Variants in ACIN1 observed in about 807,000 individuals in gnomAD.
ACIN1 encodes apoptotic chromatin condensation inducer in the nucleus.
A neutral mutation model predicts 146.6 loss-of-function variants in ACIN1; 16 were observed. The ratio of observed to expected loss-of-function variants is 0.11; its 90% CI spans 0.07 to 0.17. The LOEUF (loss-of-function observed/expected upper bound fraction) is 0.17, where lower values mean the gene tolerates loss of function less well. Ranked by LOEUF, ACIN1 falls within the 10% of genes least tolerant of loss-of-function variation. The pLI, the probability that ACIN1 is intolerant of heterozygous loss-of-function variation, is 1.00. For missense variants in ACIN1, 1,357 were observed against 1,609.3 expected, an observed-to-expected ratio of 0.84 and a Z score of 2.68; for synonymous variants, 569 against 582.7, an observed-to-expected ratio of 0.98 and a Z score of 0.34.
intron 4 of ACIN1, among the ~76,000 whole-genome samples, chr14:23,085,691 G>C (rs547833403): frequency 3.9e-5 from 6 of 152,204 alleles, no homozygotes; most frequent in Non-Finnish European, 8.8e-5. Flanking sequence ...GGAATCTCTA[G>C]TTCCTTGGAA....
intron 4 of ACIN1, among the ~76,000 whole-genome samples, chr14:23,084,743 G>C (rs1415753136): frequency 6.6e-6 from 1 of 152,082 alleles, no homozygotes; most frequent in Non-Finnish European, 1.5e-5. Context: ...TTTCGTATCT[G>C]GGTAAGTGAA....
chr14:23,064,958 A>G (rs1468952254), intron 10 of ACIN1, among the ~76,000 whole-genome samples: 1 of 152,038 alleles, frequency 6.6e-6, no homozygotes, highest in Non-Finnish European at 1.5e-5. Flanking sequence ...TTCAGACTGA[A>G]CACTGATCTA....
Position 23,080,212 on chromosome 14 carries a change from G to A in ACIN1, c.1123C>T (p.His375Tyr). Residue 375 changes from histidine to tyrosine, a missense_variant, in exon 6 of 19, where the codon CAT becomes TAT. His to Tyr is a moderately conservative substitution (Grantham distance 83). Transcript: ENST00000605057. The part of the protein sequence containing the change: ...ASSPPPHPQL[H>Y]SEEEIEPMEG... ...ATGGGCTCTATTTCTTCTTCGCTAT[G>A]GAGCTGTGGATGAGGTGGTGGAGAA... The A allele has an allele frequency of 6.2e-7, 1 of 1,614,210 alleles. No individual in the cohort carries two copies. The highest frequency in any genetic ancestry group is 8.5e-7 in the Non-Finnish European group (1 of 1,180,038).
At chr14:23,081,635 A>T in intron 5 of ACIN1, 113 bp downstream of exon 5, 1 of 953,732 alleles carries the variant, frequency 1.0e-6, no homozygotes, top group Non-Finnish European at 1.6e-6. Flanking sequence ...GTCCCAAAAA[A>T]GAAAAACAAA....
Position 23,063,210 on chromosome 14 carries a change from A to G in ACIN1, c.2738-136T>C, listed in dbSNP as rs542271011. On this transcript the variant is annotated intron_variant, in intron 13 of 18. Coordinates refer to ENST00000605057, the MANE Select transcript of ACIN1 (RefSeq NM_001386863.1). ...AATCTAAACGTGCAGAGCACCTATA[A>G]TCTGCAAAGTACTGTGCTAGGCTAA... 91 of 1,150,852 alleles carry G rather than the reference A, an allele frequency of 7.9e-5. No homozygotes were observed. In the African/African-American group the frequency reaches 1.4e-3, roughly 17 times the overall value. The allele number at this position is 1,150,852 out of a possible 1,614,324, so 71.3% of individuals were successfully genotyped here.
At chr14:23,088,185 C>T (rs893068782) in intron 4 of ACIN1, among the ~76,000 whole-genome samples, 4 of 152,066 alleles carry the variant, frequency 2.6e-5, no homozygotes, top group African/African-American at 9.7e-5. Context: ...AGAAGAAATA[C>T]CGACAATTTT....
At chr14:23,059,508 G>T in intron 18 of ACIN1, 34 bp from the exon 19 acceptor site, 1 of 1,564,424 alleles carries the variant, frequency 6.4e-7, no homozygotes, top group Non-Finnish European at 8.8e-7. Flanking sequence ...AGAATAGGCA[G>T]CTCAGTCCTG....
intron 8 of ACIN1, among the ~76,000 whole-genome samples, chr14:23,071,867 G>T (rs2047667367): frequency 6.6e-6 from 1 of 152,202 alleles, no homozygotes; most frequent in Non-Finnish European, 1.5e-5. Context: ...AGAATAGAAG[G>T]CAGGCAAACA....
chr14:23,069,942 A>ACCCT (rs1024615709), intron 8 of ACIN1, among the ~76,000 whole-genome samples: 2 of 151,710 alleles, frequency 1.3e-5, no homozygotes, highest in African/African-American at 4.8e-5. Flanking sequence ...AAGGAGAAAA[A>ACCCT]CCCTCCTCTG....
At chr14:23,095,267 G>C, upstream of ACIN1, 1 of 1,600,578 alleles carries the variant, frequency 6.2e-7, no homozygotes, top group Non-Finnish European at 8.6e-7. Context: ...GGATGTCCTC[G>C]GATGTTTCCG....
At chr14:23,092,292 G>T (rs1226075557) in intron 2 of ACIN1, among the ~76,000 whole-genome samples, 1 of 152,192 alleles carries the variant, frequency 6.6e-6, no homozygotes, top group Admixed American at 6.5e-5. Context: ...ACCTAAAGTA[G>T]AAATGAGTCT....
intron 8 of ACIN1, among the ~76,000 whole-genome samples, chr14:23,071,801 G>T (rs1388446590): frequency 2.0e-5 from 3 of 152,168 alleles, no homozygotes; most frequent in Non-Finnish European, 4.4e-5. Flanking sequence ...GGAGGGGGCT[G>T]GGTGGAGGAC....
intron 8 of ACIN1, among the ~76,000 whole-genome samples, chr14:23,073,245 T>G (rs1045037550): frequency 1.3e-5 from 2 of 152,354 alleles, no homozygotes; most frequent in East Asian, 1.9e-4. Flanking sequence ...TCCTCAAGGG[T>G]AGGGATTGCA....
At chr14:23,085,794 T>C (rs898615627) in intron 4 of ACIN1, among the ~76,000 whole-genome samples, 4 of 152,234 alleles carry the variant, frequency 2.6e-5, no homozygotes, top group Non-Finnish European at 5.9e-5. Flanking sequence ...CAGATGTTAG[T>C]AACACGTGTA....
intron 8 of ACIN1, chr14:23,071,383 C>A (rs769824967): frequency 1.3e-6 from 2 of 1,548,996 alleles, no homozygotes; most frequent in Admixed American, 4.0e-5. Flanking sequence ...TGCGGGGAGG[C>A]TAAAACAGAT....
chr14:23,077,661 G>A (rs76260171), intron 8 of ACIN1: 20,268 of 152,960 alleles, frequency 0.13, 1,491 homozygotes, highest in South Asian at 0.2. Context: ...TGTACTGTAT[G>A]CTGTAAGAAC....
At chr14:23,077,048 A>C (rs7155304) in intron 8 of ACIN1, among the ~76,000 whole-genome samples, 1 of 152,198 alleles carries the variant, frequency 6.6e-6, no homozygotes, top group African/African-American at 2.4e-5. Context: ...CAGAGGTAAG[A>C]CTGTCAGAAT....
chr14:23,063,195 T>A (rs2047342344), intron 13 of ACIN1, 121 bp from the exon 14 acceptor site: 19 of 1,221,690 alleles, frequency 1.6e-5, no homozygotes, highest in Non-Finnish European at 2.2e-5. Flanking sequence ...AATCTAAACG[T>A]GCAGAGCACC....
At position 23,063,024 on chromosome 14, in the gene ACIN1, C is replaced by T. The variant is rs767802777; in HGVS notation, c.2788G>A (p.Gly930Arg). Residue 930 changes from glycine to arginine, a missense_variant, in exon 14 of 19, where the codon GGA becomes AGA. Transcript: ENST00000605057. ...GGGTCATCAATGGTAATGGAAACTC[C>T]GGACTTCTGCTGGCTAATGGAACGT... Reference protein sequence around the residue: ...TRRSISQQKSGVSITIDDPVR... With the variant: ...TRRSISQQKSRVSITIDDPVR... 1.5e-5 allele frequency: 25 copies of T among 1,613,724 alleles called. No individual in the cohort carries two copies. The highest frequency in any genetic ancestry group is 1.3e-4 in the East Asian group (6 of 44,886).
Sources: allele counts gnomAD v4.1 joint callset (sites outside exome capture counted in the v4.1 genomes callset), GRCh38; gene constraint gnomAD v4.1.1; transcripts MANE v1.5; gene names NCBI Gene and HGNC (gene_info 2026-07-23, HGNC 2026-07-21).